RNF169: variants seen among roughly 807,000 people sequenced by gnomAD.
RNF169 encodes the protein ring finger protein 169.
In RNF169, 24 loss-of-function variants were observed where a neutral mutation model predicts 53.9. The ratio of observed to expected loss-of-function variants is 0.45; its 90% CI spans 0.32 to 0.63. The LOEUF is 0.63. Among genes scored for constraint, RNF169 ranks in the 20% least tolerant of loss-of-function variants. The pLI, the probability that RNF169 is intolerant of heterozygous loss-of-function variation, is 0.04. For missense variants in RNF169, 883 were observed against 906.2 expected (o/e 0.97, Z 0.33); for synonymous variants, 396 against 363.5 (o/e 1.09, Z -1.02).
In RNF169 at chr11:74,789,615, C is replaced by T. The variant is rs764055952; in HGVS notation, c.503-11C>T. 3.1e-6 allele frequency: 5 copies of T among 1,591,792 alleles called. No individual in the cohort carries two copies. Among genetic ancestry groups the T allele is most frequent in the African/African-American group, 1.3e-5 (1 of 74,296 alleles). ...CATCTTAAAAAGTATTTTCTTTTCC[C>T]TTTCTTTCAGACTTTATATTCAGAG... On this transcript the variant is annotated splice_polypyrimidine_tract_variant and intron_variant, in intron 1 of 5. Transcript: ENST00000299563.
intron 1 of RNF169, among the ~76,000 whole-genome samples, chr11:74,777,822 C>T (rs1486861307): frequency 6.6e-6 from 1 of 151,962 alleles, no homozygotes; most frequent in African/African-American, 2.4e-5. Flanking sequence ...CAGATGGAGT[C>T]TCATTATGTT....
chr11:74,765,751 G>A (rs1411968906), intron 1 of RNF169, among the ~76,000 whole-genome samples: 1 of 151,304 alleles, frequency 6.6e-6, no homozygotes, highest in Non-Finnish European at 1.5e-5. Context: ...ACAGTGAGCT[G>A]AGATTGCGCC....
At chr11:74,809,545 G>C (rs1048830666) in intron 2 of RNF169, among the ~76,000 whole-genome samples, 1 of 152,192 alleles carries the variant, frequency 6.6e-6, no homozygotes, top group Non-Finnish European at 1.5e-5. Flanking sequence ...GTACAGCCAG[G>C]TTCAGTGGCT....
At position 74,836,380 on chromosome 11, in the gene RNF169, T is replaced by C. The variant is rs561552752; in HGVS notation, c.1777T>C (p.Leu593=). ...TGGAGTCCTCAAAACAAAGCAACAATTGAAGACATTAAATCATTTTGATCT... is the reference window on the plus strand; with the variant it reads ...TGGAGTCCTCAAAACAAAGCAACAACTGAAGACATTAAATCATTTTGATCT... ...LGGVLKTKQQ[L]KTLNHFDLTN... Residue 593 remains leucine, a synonymous_variant, in exon 6 of 6, where the codon TTG becomes CTG. Transcript: ENST00000299563. 1.2e-5 allele frequency: 19 copies of C among 1,614,156 alleles called. No individual in the cohort carries two copies. The East Asian group carries it at 3.1e-4, about 26-fold the overall frequency.
At chr11:74,763,126 T>C (rs2035114697) in intron 1 of RNF169, among the ~76,000 whole-genome samples, 1 of 152,176 alleles carries the variant, frequency 6.6e-6, no homozygotes, top group Non-Finnish European at 1.5e-5. Context: ...GCCTGAGAAA[T>C]TGAAGCACAA....
At position 74,786,425 on chromosome 11, in the gene RNF169, TTTTG is replaced by T. The variant is rs374196037; in HGVS notation, c.503-3189_503-3186del. On this transcript the variant is annotated intron_variant, in intron 1 of 5. Transcript: ENST00000299563. Reference sequence around the variant, plus strand: ...TTGTTGGGGGGTTTTTTTGTTTAATTTTTGTTTGTTTGTTTTTTGCAGAGATGAG... The same window carrying T: ...TTGTTGGGGGGTTTTTTTGTTTAATTTTTGTTTGTTTTTTGCAGAGATGAG... Among the ~76,000 whole-genome samples, 713 of 151,960 alleles carry T rather than the reference TTTTG, an allele frequency of 4.7e-3. 11 individuals carry two copies. Among genetic ancestry groups the T allele is most frequent in the South Asian group, 0.031 (151 of 4,808 alleles).
chr11:74,753,123 C>A (rs1400229196), intron 1 of RNF169, among the ~76,000 whole-genome samples: 1 of 152,140 alleles, frequency 6.6e-6, no homozygotes, highest in East Asian at 1.9e-4. Context: ...TGTGCGCCAC[C>A]ACGCCCGGCT....
At chr11:74,796,716 CTA>C (rs780466916) in intron 2 of RNF169, among the ~76,000 whole-genome samples, 1 of 152,178 alleles carries the variant, frequency 6.6e-6, no homozygotes, top group African/African-American at 2.4e-5. Context: ...TGCTTCTAGA[CTA>C]TTCATTTTCC....
Position 74,817,717 on chromosome 11 carries a change from A to G in RNF169, c.842+3A>G. 1 of 1,575,570 alleles carries G rather than the reference A, an allele frequency of 6.3e-7. No individual in the cohort carries two copies. Among genetic ancestry groups the G allele is most frequent in the Non-Finnish European group, 8.7e-7 (1 of 1,144,852 alleles). ...TACTCCTTAGCTTTCCTGGCAGGGT[A>G]AGAGACTGATGCTGAATTCAGTCAG... On this transcript the variant is annotated splice_donor_region_variant and intron_variant, in intron 4 of 5. Transcript: ENST00000299563.
At chr11:74,792,061 G>A (rs1203859473) in intron 2 of RNF169, among the ~76,000 whole-genome samples, 1 of 152,250 alleles carries the variant, frequency 6.6e-6, no homozygotes, top group Non-Finnish European at 1.5e-5. Flanking sequence ...ACTGTGGCTA[G>A]TTACTATATA....
At chr11:74,829,778 A>C (rs1033169884) in intron 4 of RNF169, among the ~76,000 whole-genome samples, 5 of 152,162 alleles carry the variant, frequency 3.3e-5, no homozygotes, top group Admixed American at 6.6e-5. Context: ...TCATTTATAA[A>C]GTGGGAGCCG....
At chr11:74,761,452 G>T (rs1281056575) in intron 1 of RNF169, among the ~76,000 whole-genome samples, 3 of 149,068 alleles carry the variant, frequency 2.0e-5, no homozygotes, top group African/African-American at 7.4e-5. Context: ...GCTGGTACCG[G>T]TTGTTCCTTT....
At chr11:74,794,034 T>A (rs2035614733) in intron 2 of RNF169, among the ~76,000 whole-genome samples, 1 of 152,176 alleles carries the variant, frequency 6.6e-6, no homozygotes, top group Non-Finnish European at 1.5e-5. Flanking sequence ...GTGCCCCTAG[T>A]ATGTGCTAGG....
At position 74,749,209 on chromosome 11, in the gene RNF169, G is replaced by A. The variant is rs2034843557; in HGVS notation, c.329G>A (p.Gly110Asp). The change falls in exon 1 of 6, where the codon GGC (glycine) becomes GAC (aspartate). Residue 110 changes from glycine to aspartate, a missense_variant. By Grantham distance (94) the Gly-to-Asp change is moderately conservative. This residue lies in a region of RNF169 where 313 missense variants were observed against 279.9 expected (regional missense o/e 1.12). Transcript: ENST00000299563. ...GGTTGCCCTCGCTGCCGCGCCCGCG[G>A]CCCAGGCTGGGCCCGCCGTCGGGCC... ...GPGCPRCRAR[G>D]PGWARRRARD... The A allele has an allele frequency of 1.8e-6, 2 of 1,107,178 alleles. No individual in the cohort carries two copies. Among genetic ancestry groups the A allele is most frequent in the Non-Finnish European group, 2.2e-6 (2 of 910,888 alleles). 68.6% of individuals were successfully genotyped at this position (1,107,178 alleles called of 1,614,324 possible).
chr11:74,817,616 T>G lies in RNF169; in HGVS notation c.744T>G (p.Asp248Glu), dbSNP rs1044574975. The G allele has an allele frequency of 4.3e-6, 7 of 1,612,848 alleles. No individual in the cohort carries two copies. Among genetic ancestry groups the G allele is most frequent in the African/African-American group, 1.3e-5 (1 of 75,002 alleles). Reference protein sequence around the residue: ...NLERCPARLSDSENEEPSRGQ... With the variant: ...NLERCPARLSESENEEPSRGQ... The stretch of plus-strand genomic sequence containing the variant: ...GCCAGTGTCCTGCACGTCTCTCAGA[T>G]TCAGAGAATGAAGAACCTTCTCGAG... Residue 248 changes from aspartate to glutamate, a missense_variant, in exon 4 of 6, where the codon GAT (aspartate) becomes GAG (glutamate). By Grantham distance (45) the Asp-to-Glu change is conservative. Coordinates refer to ENST00000299563, the MANE Select transcript of RNF169 (RefSeq NM_001098638.2).
intron 1 of RNF169, among the ~76,000 whole-genome samples, chr11:74,760,428 G>C (rs1475225231): frequency 6.6e-6 from 1 of 151,924 alleles, no homozygotes; most frequent in Non-Finnish European, 1.5e-5. Context: ...GATCTTTCCT[G>C]CTTTCTCTTG....
chr11:74,811,718 A>AG (rs1475388412), intron 3 of RNF169, among the ~76,000 whole-genome samples: 1 of 152,192 alleles, frequency 6.6e-6, no homozygotes, highest in Non-Finnish European at 1.5e-5. Flanking sequence ...ACCTTCCAAA[A>AG]GATTCAGTTT....
chr11:74,813,249 T>C (rs2035898718), intron 3 of RNF169, among the ~76,000 whole-genome samples: 1 of 152,226 alleles, frequency 6.6e-6, no homozygotes. Context: ...AGGAAATGTC[T>C]TATCCATTTA....
chr11:74,770,780 G>A (rs1025065575), intron 1 of RNF169, among the ~76,000 whole-genome samples: 2 of 151,970 alleles, frequency 1.3e-5, no homozygotes, highest in Admixed American at 6.6e-5. Flanking sequence ...GTTTTTGCAC[G>A]TTACCACATG....
Sources: gnomAD v4.1 joint callset for allele counts (sites outside exome capture counted in the v4.1 genomes callset) on GRCh38, gnomAD v4.1.1 for gene constraint, gnomAD v4.1.1 regional missense constraint, MANE v1.5 for transcripts, NCBI Gene and HGNC (gene_info 2026-07-23, HGNC 2026-07-21) for gene names.